The following DLGAP2 variants were observed in gnomAD, a reference collection of about 807,000 sequenced individuals.
The protein encoded by DLGAP2 is disks large-associated protein 2.
A neutral mutation model predicts 100.3 loss-of-function variants in DLGAP2; 26 were observed. The ratio of observed to expected loss-of-function variants is 0.26; its 90% confidence interval spans 0.19 to 0.36. DLGAP2 has a LOEUF of 0.36. DLGAP2 is among the 10% of genes least tolerant of loss of function. DLGAP2 has a pLI of 1.00. For synonymous variants in DLGAP2, 886 were observed against 630.1 expected, an observed-to-expected ratio of 1.41 and a Z score of -6.08; for missense variants, 1,858 against 1,453.2, an observed-to-expected ratio of 1.28 and a Z score of -4.53.
intron 2 of DLGAP2, among the ~76,000 whole-genome samples, chr8:1,005,331 C>T (rs1338189311): frequency 6.6e-6 from 1 of 151,978 alleles, no homozygotes; most frequent in East Asian, 1.9e-4. Context: ...GAAAAGGGAG[C>T]CGCGTCCTTA....
chr8:1,080,270 C>A (rs991014997), intron 2 of DLGAP2, among the ~76,000 whole-genome samples: 1 of 152,234 alleles, frequency 6.6e-6, no homozygotes, highest in Admixed American at 6.5e-5. Flanking sequence ...GATGCGGGCG[C>A]CACCCCCGCC....
chr8:1,677,339 T>C (rs1045631273), intron 11 of DLGAP2, among the ~76,000 whole-genome samples: 1 of 152,152 alleles, frequency 6.6e-6, no homozygotes, highest in South Asian at 2.1e-4. Context: ...CTTCTGCACC[T>C]GGGAGCCGGG....
intron 2 of DLGAP2, among the ~76,000 whole-genome samples, chr8:968,110 T>G (rs1799925483): frequency 1.3e-5 from 2 of 151,804 alleles, no homozygotes. Context: ...CCCTCAGTTT[T>G]GAATTTTAAT....
chr8:1,431,405 C>T (rs536661605), intron 3 of DLGAP2, among the ~76,000 whole-genome samples: 7 of 152,364 alleles, frequency 4.6e-5, no homozygotes, highest in South Asian at 2.1e-4. Flanking sequence ...ACCTACTGGG[C>T]GTCAGCACTG....
chr8:900,132 G>GAGCTCCGA (rs1798220168), intron 1 of DLGAP2, among the ~76,000 whole-genome samples: 1 of 152,118 alleles, frequency 6.6e-6, no homozygotes, highest in African/African-American at 2.4e-5. Flanking sequence ...GTCGCTCCTG[G>GAGCTCCGA]GTGGACGGTG....
intron 2 of DLGAP2, among the ~76,000 whole-genome samples, chr8:1,234,020 T>G (rs1029199190): frequency 4.1e-4 from 62 of 152,200 alleles, no homozygotes; most frequent in African/African-American, 1.4e-3. Flanking sequence ...TGTTGGTGAC[T>G]GCTAATGGCA....
rs1330977529 is a variant in DLGAP2, at chr8:1,490,394, A to G, written c.107-10972A>G. Among the ~76,000 whole-genome samples the G allele has an allele frequency of 3.9e-5, 6 of 152,368 alleles. No homozygotes were observed. The South Asian group carries it at 8.3e-4, about 21-fold the overall frequency. ...CCATCAGGTGCAGAAAATTCAGACA[A>G]TACGTCAGCTAAAGAAGTTAAGAGC... is the stretch of plus-strand genomic sequence containing the variant. On this transcript the variant is annotated intron_variant, in intron 3 of 14. Coordinates refer to ENST00000637795, the MANE Select transcript of DLGAP2 (RefSeq NM_001346810.2).
At chr8:1,507,182 T>C (rs563872004) in intron 4 of DLGAP2, among the ~76,000 whole-genome samples, 198 of 152,312 alleles carry the variant, frequency 1.3e-3, no homozygotes, top group African/African-American at 4.5e-3. Context: ...GGAGGGTCAA[T>C]GGGACCGGGC....
chr8:1,287,504 T>TGTGGTG (rs1799959874), intron 3 of DLGAP2, among the ~76,000 whole-genome samples: 1 of 38,878 alleles, frequency 2.6e-5, no homozygotes, highest in African/African-American at 1.7e-4. Context: ...GTGGTTCTGT[T>TGTGGTG]AGGAGGGGAA....
At chr8:1,517,353 G>C (rs1298156540) in intron 4 of DLGAP2, among the ~76,000 whole-genome samples, 4 of 152,112 alleles carry the variant, frequency 2.6e-5, no homozygotes, top group Non-Finnish European at 5.9e-5. Flanking sequence ...AGCCCAGGAG[G>C]AGCAGAGAGC....
In DLGAP2 at chr8:1,308,547, C is replaced by T. The variant is rs530839361; in HGVS notation, c.106+49664C>T. On this transcript the variant is annotated intron_variant, in intron 3 of 14. Transcript: ENST00000637795. ...TTTTTTGTTTTGTTTTGTTTTGAGACGTAGTTTCACTCTTGTTGCCCAGGC... is the reference window on the plus strand; with the variant it reads ...TTTTTTGTTTTGTTTTGTTTTGAGATGTAGTTTCACTCTTGTTGCCCAGGC... Among the ~76,000 whole-genome samples, 35 of 152,274 alleles carry T rather than the reference C, an allele frequency of 2.3e-4. No homozygotes were observed. In the East Asian group the frequency reaches 2.9e-3, roughly 13 times the overall value.
chr8:1,344,102 T>A (rs1220841931), intron 3 of DLGAP2, among the ~76,000 whole-genome samples: 1 of 149,510 alleles, frequency 6.7e-6, no homozygotes, highest in Non-Finnish European at 1.5e-5. Flanking sequence ...GGCCCTGTCG[T>A]GGGTCCATGT....
chr8:1,658,807 G>C (rs1425701976), intron 8 of DLGAP2, among the ~76,000 whole-genome samples: 2 of 152,026 alleles, frequency 1.3e-5, no homozygotes, highest in African/African-American at 4.8e-5. Context: ...ATGTTTGGAA[G>C]GTTTTTTTGT....
At chr8:965,599 G>A (rs1406631383) in intron 2 of DLGAP2, among the ~76,000 whole-genome samples, 4 of 137,246 alleles carry the variant, frequency 2.9e-5, no homozygotes, top group South Asian at 2.4e-4. Context: ...CACCTCACAC[G>A]GCTCCTGAGT....
intron 2 of DLGAP2, among the ~76,000 whole-genome samples, chr8:987,039 C>T (rs1352499443): frequency 6.6e-6 from 1 of 152,210 alleles, no homozygotes; most frequent in Non-Finnish European, 1.5e-5. Flanking sequence ...GAGCAAATCC[C>T]TGGTGAAATC....
intron 8 of DLGAP2, among the ~76,000 whole-genome samples, chr8:1,662,937 GGTGT>G (rs61593968): frequency 1.1e-3 from 156 of 148,540 alleles, no homozygotes; most frequent in South Asian, 2.6e-3. Flanking sequence ...CGTAGTGTGG[GGTGT>G]GTGTGTGTAC....
At chr8:824,585 G>T (rs567891252) in intron 1 of DLGAP2, among the ~76,000 whole-genome samples, 1 of 151,956 alleles carries the variant, frequency 6.6e-6, no homozygotes, top group Non-Finnish European at 1.5e-5. Flanking sequence ...CCTTGTCCTG[G>T]CCCCAGTCCT....
chr8:1,182,220 C>T (rs1343469938), intron 2 of DLGAP2, among the ~76,000 whole-genome samples: 1 of 152,222 alleles, frequency 6.6e-6, no homozygotes, highest in Non-Finnish European at 1.5e-5. Context: ...AACCACTGTG[C>T]GTTCCCAACA....
intron 1 of DLGAP2, among the ~76,000 whole-genome samples, chr8:756,690 A>T (rs552276754): frequency 1.3e-5 from 2 of 152,212 alleles, no homozygotes; most frequent in East Asian, 3.9e-4. Context: ...ACTGAGGCTG[A>T]ACCTGGAATC....
Sources: gnomAD v4.1 joint callset for allele counts (sites outside exome capture counted in the v4.1 genomes callset) on GRCh38, gnomAD v4.1.1 for gene constraint, MANE v1.5 for transcripts, NCBI Gene and HGNC (gene_info 2026-07-23, HGNC 2026-07-21) for gene names.